CYRIA: variants seen among roughly 807,000 people sequenced by gnomAD.
The protein encoded by CYRIA is CYFIP related Rac1 interactor A.
Under a neutral mutation model 43.9 loss-of-function variants are expected in CYRIA, and 15 were observed. The ratio of observed to expected loss-of-function variants is 0.34; its 90% CI spans 0.23 to 0.53. CYRIA has a LOEUF of 0.53. Among genes scored for constraint, CYRIA ranks in the 20% least tolerant of loss-of-function variants. The probability of loss-of-function intolerance (pLI) is 0.94; values close to 1 mark genes in which losing one functional copy is unlikely to be tolerated. For synonymous variants in CYRIA, 117 were observed against 136.0 expected (o/e 0.86, Z 0.97); for missense variants, 236 against 394.2 (o/e 0.60, Z 3.40).
At chr2:16,557,762 T>C (rs1666577473) in intron 10 of CYRIA, among the ~76,000 whole-genome samples, 1 of 152,160 alleles carries the variant, frequency 6.6e-6, no homozygotes, top group Non-Finnish European at 1.5e-5. Flanking sequence ...AAAGCCAAGC[T>C]TTTTAAAGAT....
At chr2:16,609,887 G>C (rs913430617) in intron 2 of CYRIA, among the ~76,000 whole-genome samples, 2 of 152,172 alleles carry the variant, frequency 1.3e-5, no homozygotes, top group South Asian at 4.1e-4. Context: ...CTACTGTGTA[G>C]TATCCAGAAC....
intron 2 of CYRIA, among the ~76,000 whole-genome samples, chr2:16,620,126 G>A (rs1668947498): frequency 6.6e-6 from 1 of 152,212 alleles, no homozygotes; most frequent in Admixed American, 6.5e-5. Context: ...CACAGGGTGT[G>A]ACCATTGGTA....
At chr2:16,593,544 G>T (rs893837396) in intron 2 of CYRIA, among the ~76,000 whole-genome samples, 2 of 151,966 alleles carry the variant, frequency 1.3e-5, no homozygotes, top group African/African-American at 4.8e-5. Flanking sequence ...TTGTGATAGA[G>T]GCCTCAGGTA....
At chr2:16,602,701 G>A (rs1668253556) in intron 2 of CYRIA, among the ~76,000 whole-genome samples, 1 of 152,046 alleles carries the variant, frequency 6.6e-6, no homozygotes, top group African/African-American at 2.4e-5. Flanking sequence ...AAAAAAGAAT[G>A]GGTCCAAGAA....
intron 2 of CYRIA, among the ~76,000 whole-genome samples, chr2:16,598,809 T>C (rs1668096859): frequency 1.6e-5 from 2 of 122,658 alleles, no homozygotes; most frequent in African/African-American, 8.3e-5. Flanking sequence ...AGAGGTGCTC[T>C]GCGTTTTAGA....
At chr2:16,629,832 A>G (rs1333591918) in intron 1 of CYRIA, among the ~76,000 whole-genome samples, 1 of 151,586 alleles carries the variant, frequency 6.6e-6, no homozygotes, top group Non-Finnish European at 1.5e-5. Context: ...TTCAACACAC[A>G]ACAGCTGTGA....
chr2:16,571,555 C>A (rs1038506754), intron 3 of CYRIA, among the ~76,000 whole-genome samples: 2 of 152,220 alleles, frequency 1.3e-5, no homozygotes, highest in Non-Finnish European at 2.9e-5. Context: ...TTCCTAACAA[C>A]CCGTTTAGGA....
chr2:16,575,424 C>T (rs1434070252), intron 3 of CYRIA, among the ~76,000 whole-genome samples: 2 of 152,048 alleles, frequency 1.3e-5, no homozygotes, highest in Non-Finnish European at 1.5e-5. Flanking sequence ...TTGGCTGTGT[C>T]CCCACCCAAA....
chr2:16,637,329 G>A (rs1669528305), intron 1 of CYRIA, among the ~76,000 whole-genome samples: 1 of 152,160 alleles, frequency 6.6e-6, no homozygotes, highest in South Asian at 2.1e-4. Flanking sequence ...GGAGGTGAGG[G>A]AAGATTCTTT....
At chr2:16,642,461 A>G (rs1572198880) in intron 1 of CYRIA, among the ~76,000 whole-genome samples, 1 of 152,274 alleles carries the variant, frequency 6.6e-6, no homozygotes, top group Admixed American at 6.5e-5. Flanking sequence ...GTCCCTGCAT[A>G]CCTTCCATAC....
At chr2:16,624,500 G>A (rs1376174538) in intron 1 of CYRIA, among the ~76,000 whole-genome samples, 1 of 152,158 alleles carries the variant, frequency 6.6e-6, no homozygotes, top group Non-Finnish European at 1.5e-5. Flanking sequence ...GGTTCTCCCT[G>A]TTTCTCATTA....
chr2:16,588,017 A>G, intron 3 of CYRIA, 33 bp downstream of exon 3: 1 of 1,372,906 alleles, frequency 7.3e-7, no homozygotes, highest in Non-Finnish European at 1.0e-6. Context: ...GGAATGTAAA[A>G]AAGTTTCCAT....
intron 2 of CYRIA, among the ~76,000 whole-genome samples, chr2:16,613,137 A>G (rs1668662924): frequency 1.3e-5 from 2 of 152,240 alleles, no homozygotes; most frequent in South Asian, 4.1e-4. Flanking sequence ...TAGCAGCGTG[A>G]GAATGAACTA....
intron 3 of CYRIA, among the ~76,000 whole-genome samples, chr2:16,572,876 A>C (rs1667191712): frequency 6.6e-6 from 1 of 152,090 alleles, no homozygotes; most frequent in African/African-American, 2.4e-5. Flanking sequence ...CTAGCATATC[A>C]CTTACTCTCT....
intron 2 of CYRIA, among the ~76,000 whole-genome samples, chr2:16,605,839 A>C (rs1668378715): frequency 1.3e-5 from 2 of 152,190 alleles, no homozygotes; most frequent in South Asian, 4.1e-4. Context: ...CTCTGAGAGC[A>C]GAGCTGTAGG....
chr2:16,608,875 G>C (rs1436722052), intron 2 of CYRIA, among the ~76,000 whole-genome samples: 1 of 152,216 alleles, frequency 6.6e-6, no homozygotes, highest in Non-Finnish European at 1.5e-5. Context: ...TCAGTGAAGA[G>C]GTGAAGCTGG....
At chr2:16,642,226 C>T (rs1232199025) in intron 1 of CYRIA, among the ~76,000 whole-genome samples, 2 of 152,166 alleles carry the variant, frequency 1.3e-5, no homozygotes, top group African/African-American at 4.8e-5. Context: ...TCAGAAGCTA[C>T]ACTCCAATGC....
rs930573855 is a variant in CYRIA at position 16,651,992 on chromosome 2, G to A, written c.-167+13788C>T. ...AAAACAGTTTTTGAATAAGGAAAAGGCAAGTCTTTGCTTTTTCCCTTTTTA... is the reference window on the plus strand; with the variant it reads ...AAAACAGTTTTTGAATAAGGAAAAGACAAGTCTTTGCTTTTTCCCTTTTTA... On this transcript the variant is annotated intron_variant, in intron 1 of 11. Coordinates refer to ENST00000381323, the MANE Select transcript of CYRIA (RefSeq NM_030797.4). Among the ~76,000 whole-genome samples, 7 of 152,240 alleles carry A rather than the reference G, an allele frequency of 4.6e-5. No homozygotes were observed. In the South Asian group the frequency reaches 1.4e-3, roughly 32 times the overall value.
chr2:16,590,961 G>T (rs1462988812), intron 2 of CYRIA, among the ~76,000 whole-genome samples: 1 of 152,064 alleles, frequency 6.6e-6, no homozygotes, highest in African/African-American at 2.4e-5. Flanking sequence ...CACACAGATG[G>T]TCACCTAGTA....
Sources: gnomAD v4.1 joint callset for allele counts (sites outside exome capture counted in the v4.1 genomes callset) on GRCh38, gnomAD v4.1.1 for gene constraint, MANE v1.5 for transcripts, NCBI Gene and HGNC (gene_info 2026-07-23, HGNC 2026-07-21) for gene names.